Variants in CNTNAP3B observed in about 807,000 individuals in gnomAD.
CNTNAP3B encodes the protein contactin-associated protein-like 3B.
Under a neutral mutation model 108.9 loss-of-function variants are expected in CNTNAP3B, and 25 were observed. That is an observed-to-expected ratio of 0.23 (90% CI 0.17 to 0.32). CNTNAP3B has a LOEUF of 0.32. Among genes scored for constraint, CNTNAP3B ranks in the 10% least tolerant of loss-of-function variants. CNTNAP3B has a pLI of 1.00. For missense variants in CNTNAP3B, 252 were observed against 1,210.4 expected (o/e 0.21, Z 11.75); for synonymous variants, 103 against 473.4 (o/e 0.22, Z 10.16).
At position 42,080,300 on chromosome 9, in the gene CNTNAP3B, AT is replaced by A. The variant is rs1281984417; in HGVS notation, c.197-3239del. Among the ~76,000 whole-genome samples the A allele has an allele frequency of 1.5e-5, 2 of 136,990 alleles. 1 individual carries two copies. Among genetic ancestry groups the A allele is most frequent in the Non-Finnish European group, 3.1e-5 (2 of 64,270 alleles). The allele number at this position is 136,990 out of a possible 152,430, so 89.9% of individuals were successfully genotyped here. On this transcript the variant is annotated intron_variant, in intron 2 of 23. Transcript: ENST00000377561. ...TTACCTTTGATGAAGTAGTACTTAAATGCAAATAAGCTATATTTTCAGCCAT... is the reference window on the plus strand; with the variant it reads ...TTACCTTTGATGAAGTAGTACTTAAAGCAAATAAGCTATATTTTCAGCCAT...
At chr9:42,028,977 A>T (rs1183269984) in intron 3 of CNTNAP3B, among the ~76,000 whole-genome samples, 1 of 151,144 alleles carries the variant, frequency 6.6e-6, no homozygotes, top group Non-Finnish European at 1.5e-5. Flanking sequence ...CAAAATGACG[A>T]GAGCTATGTA....
At chr9:42,028,895 G>C (rs1433708489) in intron 3 of CNTNAP3B, among the ~76,000 whole-genome samples, 1 of 151,886 alleles carries the variant, frequency 6.6e-6, no homozygotes, top group Non-Finnish European at 1.5e-5. Flanking sequence ...GTGTTTTCAA[G>C]CTTTTTTAGA....
intron 3 of CNTNAP3B, among the ~76,000 whole-genome samples, chr9:42,039,148 T>C (rs1463337704): frequency 1.3e-5 from 2 of 152,012 alleles, no homozygotes; most frequent in Non-Finnish European, 2.9e-5. Flanking sequence ...AGATCTAAAA[T>C]TGACACCCTA....
intron 3 of CNTNAP3B, among the ~76,000 whole-genome samples, chr9:42,068,373 T>G (rs1274244340): frequency 6.3e-5 from 1 of 15,868 alleles, no homozygotes; most frequent in Non-Finnish European, 1.2e-4. Context: ...TATATTGATT[T>G]TAAATTTGAC....
chr9:41,893,923 A>G lies in CNTNAP3B; in HGVS notation c.*66T>C. 1 of 139,514 alleles carries G rather than the reference A, an allele frequency of 7.2e-6. No homozygotes were observed. Among genetic ancestry groups the G allele is most frequent in the South Asian group, 3.9e-5 (1 of 25,938 alleles). 8.6% of individuals were successfully genotyped at this position (139,514 alleles called of 1,614,324 possible). ...AGAGACAGCCACAGCTGCCAATCAG[A>G]AGACTCACTCTTTCTGGTTTTCATG... On this transcript the variant is annotated 3_prime_UTR_variant, in exon 24 of 24. Transcript: ENST00000377561.
At chr9:41,947,703 T>C (rs1312560447) in intron 13 of CNTNAP3B, among the ~76,000 whole-genome samples, 2 of 151,808 alleles carry the variant, frequency 1.3e-5, no homozygotes, top group African/African-American at 4.8e-5. Context: ...TCAATAGAAT[T>C]TGAAACAAAA....
chr9:41,988,279 C>T (rs1456182140), intron 8 of CNTNAP3B, among the ~76,000 whole-genome samples: 7 of 88,706 alleles, frequency 7.9e-5, no homozygotes, highest in East Asian at 3.2e-4. Flanking sequence ...GATGGAGTCT[C>T]GCTCTGTCAC....
chr9:41,952,060 C>CA (rs1478659902), intron 13 of CNTNAP3B, among the ~76,000 whole-genome samples: 1 of 152,244 alleles, frequency 6.6e-6, no homozygotes, highest in South Asian at 2.1e-4. Context: ...GCCTGGGTGA[C>CA]AGAGAGGTCA....
intron 1 of CNTNAP3B, among the ~76,000 whole-genome samples, chr9:42,119,768 C>T (rs1300513237): frequency 7.1e-6 from 1 of 140,282 alleles, no homozygotes; most frequent in African/African-American, 2.8e-5. Flanking sequence ...AACTGGCTAG[C>T]CATAAGTAGA....
intron 14 of CNTNAP3B, among the ~76,000 whole-genome samples, chr9:41,932,520 CTT>C (rs1304300088): frequency 4.5e-4 from 5 of 11,186 alleles, no homozygotes; most frequent in Admixed American, 1.1e-3. Flanking sequence ...TTTTTTTCTT[CTT>C]TTTTTTTTTT....
chr9:41,974,857 A>G (rs1366918916), intron 9 of CNTNAP3B: 1 of 94,046 alleles, frequency 1.1e-5, no homozygotes, highest in Non-Finnish European at 2.0e-5. Context: ...GGGAGAGAGG[A>G]GGAAAAGTAG....
chr9:42,032,813 G>A (rs1460534790), intron 3 of CNTNAP3B, among the ~76,000 whole-genome samples: 2 of 136,842 alleles, frequency 1.5e-5, no homozygotes, highest in Admixed American at 7.3e-5. Context: ...TGCCAGATGA[G>A]GGCTTTCTTC....
chr9:42,066,320 T>C (rs1417505546), intron 3 of CNTNAP3B, among the ~76,000 whole-genome samples: 1 of 126,756 alleles, frequency 7.9e-6, no homozygotes, highest in Admixed American at 8.0e-5. Flanking sequence ...ATAAACAGTA[T>C]TTGCTTCTTT....
chr9:41,999,631 G>C (rs900962386), intron 4 of CNTNAP3B, among the ~76,000 whole-genome samples: 3 of 100,040 alleles, frequency 3.0e-5, no homozygotes, highest in African/African-American at 4.6e-5. Flanking sequence ...AAGGCACAGA[G>C]GTTTTGTTTT....
chr9:41,968,052 C>CT, intron 10 of CNTNAP3B, among the ~76,000 whole-genome samples: 1 of 151,546 alleles, frequency 6.6e-6, no homozygotes, highest in African/African-American at 2.4e-5. Flanking sequence ...ACAAAACAGC[C>CT]TATAACAGTA....
intron 13 of CNTNAP3B, among the ~76,000 whole-genome samples, chr9:41,951,241 A>T (rs201569169): frequency 0.01 from 1,470 of 145,188 alleles, no homozygotes; most frequent in South Asian, 0.037. Context: ...TTATCTCAAA[A>T]TTTTTTTTAA....
intron 13 of CNTNAP3B, among the ~76,000 whole-genome samples, chr9:41,941,507 TAC>T (rs1371951510): frequency 2.0e-5 from 3 of 150,436 alleles, no homozygotes; most frequent in Non-Finnish European, 4.4e-5. Flanking sequence ...CAAGAAACAA[TAC>T]ACCCTTAAAA....
intron 2 of CNTNAP3B, among the ~76,000 whole-genome samples, chr9:42,097,342 C>T: frequency 7.1e-6 from 1 of 140,062 alleles, no homozygotes; most frequent in East Asian, 2.2e-4. Flanking sequence ...GTTCAGTTGC[C>T]TGGGTAAAAC....
intron 3 of CNTNAP3B, among the ~76,000 whole-genome samples, chr9:42,075,235 C>T (rs1228774911): frequency 1.4e-5 from 2 of 146,854 alleles, no homozygotes; most frequent in Admixed American, 1.4e-4. Flanking sequence ...TACATTTTAA[C>T]TTGATTACCT....
Sources: gnomAD v4.1 joint callset for allele counts (sites outside exome capture counted in the v4.1 genomes callset) on GRCh38, gnomAD v4.1.1 for gene constraint, MANE v1.5 for transcripts, NCBI Gene and HGNC (gene_info 2026-07-23, HGNC 2026-07-21) for gene names.